NAA60: variants seen among roughly 807,000 people sequenced by gnomAD.
NAA60 encodes N-alpha-acetyltransferase 60, NatF catalytic subunit.
NAA60 carries 8 observed loss-of-function variants against 26.1 expected under a neutral mutation model. The observed-to-expected ratio is 0.31, with a 90% CI of 0.18 to 0.55. The LOEUF (loss-of-function observed/expected upper bound fraction) is 0.55, where lower values mean the gene tolerates loss of function less well. Among genes scored for constraint, NAA60 ranks in the 20% least tolerant of loss-of-function variants. NAA60 has a pLI of 0.93. For missense variants in NAA60, 290 were observed against 311.3 expected (o/e 0.93, Z 0.51); for synonymous variants, 131 against 122.5 (o/e 1.07, Z -0.46).
intron 3 of NAA60, among the ~76,000 whole-genome samples, chr16:3,478,388 T>C (rs2036615702): frequency 6.6e-6 from 1 of 152,204 alleles, no homozygotes; most frequent in South Asian, 2.1e-4. Context: ...GCCTTGGCCA[T>C]GTGAGCCACC....
intron 1 of NAA60, among the ~76,000 whole-genome samples, chr16:3,448,189 A>T (rs939793522): frequency 6.7e-6 from 1 of 150,082 alleles, no homozygotes; most frequent in Non-Finnish European, 1.5e-5. Context: ...CAAGAGAATC[A>T]CTTGAGTCCA....
intron 2 of NAA60, among the ~76,000 whole-genome samples, chr16:3,449,396 T>C (rs1252504467): frequency 1.3e-5 from 2 of 152,090 alleles, no homozygotes; most frequent in African/African-American, 2.4e-5. Context: ...TGGGCACCTG[T>C]AGTCCCAGCT....
At position 3,448,521 on chromosome 16, in the gene NAA60, T is replaced by G. The variant is rs2034645401; in HGVS notation, c.-26T>G. ...AAGGAAGTGCGGAGCCAGCCTGAGT[T>G]GGGAGAAGAGCTCCAGAGAGTGAGT... On this transcript the variant is annotated 5_prime_UTR_variant, in exon 2 of 8. Coordinates refer to ENST00000407558, the MANE Select transcript of NAA60 (RefSeq NM_001083601.3). 2.0e-6 allele frequency: 3 copies of G among 1,535,532 alleles called. No individual in the cohort carries two copies. The highest frequency in any genetic ancestry group is 2.6e-6 in the Non-Finnish European group (3 of 1,146,894).
At chr16:3,446,158 G>C (rs2034541840) in intron 1 of NAA60, among the ~76,000 whole-genome samples, 1 of 152,130 alleles carries the variant, frequency 6.6e-6, no homozygotes, top group South Asian at 2.1e-4. Flanking sequence ...CTATAGCCCA[G>C]CATCTGCTTT....
chr16:3,475,051 G>A (rs936379769), intron 2 of NAA60, among the ~76,000 whole-genome samples: 4 of 150,410 alleles, frequency 2.7e-5, no homozygotes, highest in Non-Finnish European at 5.9e-5. Flanking sequence ...AAAGTGCTGG[G>A]ATTACAGGCA....
chr16:3,447,456 A>G (rs1486510469), intron 1 of NAA60: 4 of 985,314 alleles, frequency 4.1e-6, no homozygotes, highest in Non-Finnish European at 4.8e-6. Flanking sequence ...ATTGCTCACT[A>G]CGTTTGGTGT....
At chr16:3,443,942 T>G in intron 1 of NAA60, 105 bp downstream of exon 1, 1 of 1,415,700 alleles carries the variant, frequency 7.1e-7, no homozygotes, top group South Asian at 1.6e-5. Flanking sequence ...TGAGCTGTCC[T>G]TTGTGTCTTG....
chr16:3,446,274 G>A (rs909052093), intron 1 of NAA60, among the ~76,000 whole-genome samples: 7 of 152,178 alleles, frequency 4.6e-5, no homozygotes, highest in Admixed American at 1.3e-4. Flanking sequence ...GCTCACGCCT[G>A]TAATCCCAGC....
At chr16:3,458,249 G>A (rs2035117867) in intron 2 of NAA60, 2 of 933,126 alleles carry the variant, frequency 2.1e-6, no homozygotes, top group Admixed American at 6.2e-5. Context: ...CGGGGTAGGC[G>A]GGGAGGCCGC....
chr16:3,478,402 C>G (rs1176322260), intron 3 of NAA60, among the ~76,000 whole-genome samples: 1 of 152,208 alleles, frequency 6.6e-6, no homozygotes, highest in African/African-American at 2.4e-5. Context: ...AGCCACCCAG[C>G]CTGCCTGTCT....
intron 4 of NAA60, among the ~76,000 whole-genome samples, chr16:3,480,325 A>G (rs1448726727): frequency 4.6e-5 from 7 of 152,196 alleles, no homozygotes; most frequent in Admixed American, 3.3e-4. Context: ...GGCCGGGCGC[A>G]GTGGCTCATG....
chr16:3,482,429 G>T, intron 4 of NAA60, 73 bp from the exon 5 acceptor site: 2 of 1,277,986 alleles, frequency 1.6e-6, no homozygotes, highest in African/African-American at 1.5e-5. Context: ...TGCGGAGCCC[G>T]CCTGGGCCGG....
intron 2 of NAA60, among the ~76,000 whole-genome samples, chr16:3,452,222 A>T (rs145503150): frequency 6.6e-6 from 1 of 152,236 alleles, no homozygotes; most frequent in African/African-American, 2.4e-5. Context: ...CAAAAAAATT[A>T]AAAAAGACTA....
At chr16:3,461,921 C>G (rs2035423505) in intron 2 of NAA60, among the ~76,000 whole-genome samples, 1 of 151,972 alleles carries the variant, frequency 6.6e-6, no homozygotes, top group Admixed American at 6.6e-5. Context: ...AACTCCATCT[C>G]TAAAAAAATA....
intron 2 of NAA60, among the ~76,000 whole-genome samples, chr16:3,453,536 G>A (rs563535822): frequency 1.3e-5 from 2 of 152,210 alleles, no homozygotes; most frequent in African/African-American, 4.8e-5. Context: ...AGCCTCTCAA[G>A]TAGCTGGGAT....
In NAA60 at chr16:3,485,038, G is replaced by T. The variant is rs534995610; in HGVS notation, c.*183G>T. ...CGGGAACAGAACATCGTGGGCATGC[G>T]CAGAGCATGCCCATCCGTGGCAGGT... On this transcript the variant is annotated 3_prime_UTR_variant, in exon 7 of 8. Transcript: ENST00000407558. The T allele has an allele frequency of 5.4e-6, 8 of 1,486,180 alleles. No individual in the cohort carries two copies. The highest frequency in any genetic ancestry group is 7.2e-6 in the Non-Finnish European group (8 of 1,104,684). 92.1% of individuals were successfully genotyped at this position (1,486,180 alleles called of 1,614,324 possible).
chr16:3,455,796 G>A (rs2034967301), intron 2 of NAA60, among the ~76,000 whole-genome samples: 1 of 151,760 alleles, frequency 6.6e-6, no homozygotes, highest in Non-Finnish European at 1.5e-5. Context: ...CAACCTCCAC[G>A]TCCTGAGTTC....
At chr16:3,458,043 C>A (rs903665436) in intron 2 of NAA60, 2 of 985,144 alleles carry the variant, frequency 2.0e-6, no homozygotes, top group African/African-American at 3.5e-5. Flanking sequence ...CCGCGGGCTG[C>A]CGCCTCCGTC....
intron 2 of NAA60, 48 bp from the exon 3 acceptor site, chr16:3,476,174 G>A (rs1326477218): frequency 1.4e-6 from 2 of 1,441,776 alleles, no homozygotes; most frequent in African/African-American, 2.8e-5. Flanking sequence ...CTGAGCATGA[G>A]GAAGACCAGG....
Sources: gnomAD v4.1 joint callset for allele counts (sites outside exome capture counted in the v4.1 genomes callset) on GRCh38, gnomAD v4.1.1 for gene constraint, MANE v1.5 for transcripts, NCBI Gene and HGNC (gene_info 2026-07-23, HGNC 2026-07-21) for gene names.